Variants in PRKAR1B observed in about 807,000 individuals in gnomAD.
PRKAR1B encodes the protein protein kinase cAMP-dependent type I regulatory subunit beta, also known as cAMP-dependent protein kinase type I-beta regulatory subunit.
A neutral mutation model predicts 46.5 loss-of-function variants in PRKAR1B; 22 were observed. That is an observed-to-expected ratio of 0.47 (90% CI 0.34 to 0.68). PRKAR1B has a LOEUF of 0.68. PRKAR1B is among the 30% of genes least tolerant of loss of function. The pLI is 0.01. For synonymous variants in PRKAR1B, 259 were observed against 217.7 expected (o/e 1.19, Z -1.67); for missense variants, 445 against 535.6 (o/e 0.83, Z 1.67).
chr7:680,808 G>T, intron 2 of PRKAR1B, 82 bp from the exon 3 acceptor site: 1 of 1,513,436 alleles, frequency 6.6e-7, no homozygotes, highest in South Asian at 1.1e-5. Context: ...TGTGATCCCA[G>T]CACTGTGGGA....
Position 560,359 on chromosome 7 carries a change from A to AAATAATAATAATAAT in PRKAR1B, c.892-8904_892-8890dup, listed in dbSNP as rs200894141. 1.6e-3 allele frequency among the ~76,000 whole-genome samples: 232 copies of AAATAATAATAATAAT among 146,548 alleles called. No individual in the cohort carries two copies. Among genetic ancestry groups the AAATAATAATAATAAT allele is most frequent in the Middle Eastern group, 0.011 (3 of 276 alleles). ...TAGCAGTGTTAGAATGAACTAATACAAATAATAATAATAATAATAATAATA... is the reference window on the plus strand; with the variant it reads ...TAGCAGTGTTAGAATGAACTAATACAAATAATAATAATAATAATAATAATAATAATAATAATAATA... On this transcript the variant is annotated intron_variant, in intron 9 of 10. Transcript: ENST00000537384. This position sits in a 1 kb window ranked among gnomAD's most constrained non-coding sequence, Gnocchi z 4.2.
At chr7:678,059 T>G (rs966074107) in intron 3 of PRKAR1B, among the ~76,000 whole-genome samples, 8 of 152,022 alleles carry the variant, frequency 5.3e-5, no homozygotes, top group Non-Finnish European at 1.0e-4. Flanking sequence ...TCGCCTGAGG[T>G]CAAGAGTTCG....
rs1314229289 is a variant in PRKAR1B, at chr7:666,371, G to GA, written c.440+10857dup. Among the ~76,000 whole-genome samples, 1 of 152,154 alleles carries GA rather than the reference G, an allele frequency of 6.6e-6. No individual in the cohort carries two copies. Among genetic ancestry groups the GA allele is most frequent in the Non-Finnish European group, 1.5e-5 (1 of 68,016 alleles). On this transcript the variant is annotated intron_variant, in intron 4 of 10. Transcript: ENST00000537384. The surrounding 1 kb of genome is among the most constrained non-coding windows in gnomAD (Gnocchi z 4.9). ...TCCGGAGCACGCGGGGCTGCTTCCT[G>GA]AGGCTGCTGAGGTCCCTGGCCGAGG...
In PRKAR1B at chr7:550,608, G is replaced by A; in HGVS notation, c.974-6C>T. 1 of 1,552,070 alleles carries A rather than the reference G, an allele frequency of 6.4e-7. No homozygotes were observed. The highest frequency in any genetic ancestry group is 1.2e-5 in the South Asian group (1 of 81,310). On this transcript the variant is annotated splice_region_variant and splice_polypyrimidine_tract_variant and intron_variant, in intron 10 of 10. Coordinates refer to ENST00000537384, the MANE Select transcript of PRKAR1B (RefSeq NM_001164760.2). Reference sequence around the variant, plus strand: ...CAGCAGCAGTGCAATCTCCCCTGGGGGTTGAAGAGAGAGGTCAGGGCTGGG... The same window carrying A: ...CAGCAGCAGTGCAATCTCCCCTGGGAGTTGAAGAGAGAGGTCAGGGCTGGG...
At chr7:698,297 A>G (rs1317685818) in intron 2 of PRKAR1B, among the ~76,000 whole-genome samples, 1 of 152,150 alleles carries the variant, frequency 6.6e-6, no homozygotes, top group African/African-American at 2.4e-5. Flanking sequence ...AAAATAGAAG[A>G]TGAAGATGCA....
intron 9 of PRKAR1B, among the ~76,000 whole-genome samples, chr7:574,485 C>T (rs549264632): frequency 6.6e-6 from 1 of 151,534 alleles, no homozygotes; most frequent in African/African-American, 2.4e-5. Flanking sequence ...TGCTCTGTGG[C>T]CCAGGCTGGA....
At chr7:628,939 G>A (rs1315796577) in intron 4 of PRKAR1B, among the ~76,000 whole-genome samples, 1 of 152,196 alleles carries the variant, frequency 6.6e-6, no homozygotes, top group Non-Finnish European at 1.5e-5. Context: ...GCAGCCCACG[G>A]CGGGCACTCG....
At chr7:662,360 AC>A (rs1785638368) in intron 4 of PRKAR1B, among the ~76,000 whole-genome samples, 1 of 85,512 alleles carries the variant, frequency 1.2e-5, no homozygotes, top group Non-Finnish European at 2.3e-5. Context: ...ACAGGTCCCC[AC>A]CCCAACGGGT....
intron 2 of PRKAR1B, among the ~76,000 whole-genome samples, chr7:693,126 G>T (rs910956045): frequency 1.3e-5 from 2 of 151,860 alleles, no homozygotes; most frequent in Non-Finnish European, 2.9e-5. Context: ...TTAGAGACAG[G>T]GTTTCCCCAT....
intron 8 of PRKAR1B, among the ~76,000 whole-genome samples, chr7:583,479 A>C (rs1387998080): frequency 1.8e-5 from 2 of 110,372 alleles, no homozygotes; most frequent in Admixed American, 8.6e-5. Context: ...ACTCACACCC[A>C]CGCACACACG....
rs142244299 is a variant in PRKAR1B, at chr7:626,665, C to T, written c.441-19213G>A. Among the ~76,000 whole-genome samples, 88 of 148,870 alleles carry T rather than the reference C, an allele frequency of 5.9e-4. 1 individual carries two copies. Among genetic ancestry groups the T allele is most frequent in the Admixed American group, 2.1e-3 (31 of 14,970 alleles). ...TAATTCTATGAGGACAGCTTTAACA[C>T]GAAAACAAATTAATCTGATCTTGGA... On this transcript the variant is annotated intron_variant, in intron 4 of 10. Transcript: ENST00000537384.
At chr7:610,133 C>T (rs1339145579) in intron 4 of PRKAR1B, among the ~76,000 whole-genome samples, 3 of 152,178 alleles carry the variant, frequency 2.0e-5, no homozygotes, top group East Asian at 1.9e-4. Flanking sequence ...TGCCATCACA[C>T]GCTGGGCCAC....
intron 7 of PRKAR1B, among the ~76,000 whole-genome samples, chr7:591,237 G>A (rs927387930): frequency 1.1e-4 from 16 of 152,338 alleles, no homozygotes; most frequent in African/African-American, 1.4e-4. Context: ...TGGCTGAGAC[G>A]GTCGGTGAGG....
chr7:589,871 G>A (rs191904940), intron 7 of PRKAR1B, among the ~76,000 whole-genome samples: 123 of 152,356 alleles, frequency 8.1e-4, no homozygotes, highest in Admixed American at 1.5e-3. Context: ...CAGGCTGCCC[G>A]GGACAGAGAG....
At chr7:676,638 C>T (rs992142417) in intron 4 of PRKAR1B, among the ~76,000 whole-genome samples, 1 of 152,254 alleles carries the variant, frequency 6.6e-6, no homozygotes. Flanking sequence ...GGCAGGTGCA[C>T]GCAGCATAGT....
At chr7:566,447 CCA>C (rs1562523582) in intron 9 of PRKAR1B, among the ~76,000 whole-genome samples, 3 of 152,128 alleles carry the variant, frequency 2.0e-5, no homozygotes, top group African/African-American at 7.2e-5. Context: ...ATCACCACAA[CCA>C]TCATCACCAT....
chr7:679,581 G>A lies in PRKAR1B; in HGVS notation c.348+975C>T, dbSNP rs138647111. Among the ~76,000 whole-genome samples the A allele has an allele frequency of 4.3e-3, 661 of 152,318 alleles. 7 individuals carry two copies. Among genetic ancestry groups the A allele is most frequent in the African/African-American group, 0.015 (634 of 41,564 alleles). ...TACTGCGGAAAGGAATGGGGTGTGC[G>A]TGTTTAGGGAATAGAGTCTCAGTTC... On this transcript the variant is annotated intron_variant, in intron 3 of 10. Transcript: ENST00000537384.
At chr7:711,281 C>T in intron 2 of PRKAR1B, 48 bp downstream of exon 2, 2 of 1,604,942 alleles carry the variant, frequency 1.2e-6, no homozygotes, top group Non-Finnish European at 8.5e-7. Flanking sequence ...GCCGCCTCTG[C>T]CCCAGGACAC....
At chr7:671,081 A>G (rs1786227277) in intron 4 of PRKAR1B, among the ~76,000 whole-genome samples, 1 of 152,172 alleles carries the variant, frequency 6.6e-6, no homozygotes. Flanking sequence ...TCAAGAGCTG[A>G]AGCGACCGTC....
Sources: gnomAD v4.1 joint callset for allele counts (sites outside exome capture counted in the v4.1 genomes callset) on GRCh38, gnomAD v4.1.1 for gene constraint, Gnocchi (gnomAD v3.1) non-coding constraint, MANE v1.5 for transcripts, NCBI Gene and HGNC (gene_info 2026-07-23, HGNC 2026-07-21) for gene names.